Variants in NPSR1 observed in about 807,000 individuals in gnomAD.
The protein encoded by NPSR1 is neuropeptide S receptor.
A neutral mutation model predicts 46.9 loss-of-function variants in NPSR1; 48 were observed. The observed-to-expected ratio is 1.02, with a 90% confidence interval of 0.81 to 1.30. The LOEUF (loss-of-function observed/expected upper bound fraction) is 1.30, where lower values mean the gene tolerates loss of function less well. Ranked by LOEUF, NPSR1 falls within the 50% of genes most tolerant of loss-of-function variation. The pLI, the probability that NPSR1 is intolerant of heterozygous loss-of-function variation, is 0.00. For missense variants in NPSR1, 450 were observed against 449.5 expected, an observed-to-expected ratio of 1.00 and a Z score of -0.01; for synonymous variants, 176 against 168.1, an observed-to-expected ratio of 1.05 and a Z score of -0.36.
chr7:34,838,454 C>T (rs867850087), intron 6 of NPSR1, among the ~76,000 whole-genome samples: 6 of 152,224 alleles, frequency 3.9e-5, no homozygotes, highest in South Asian at 2.1e-4. Context: ...ATATCTTATT[C>T]GTAAAAGGAA....
chr7:34,866,244 G>A (rs1204427323), intron 8 of NPSR1, among the ~76,000 whole-genome samples: 5 of 151,688 alleles, frequency 3.3e-5, no homozygotes, highest in Non-Finnish European at 5.9e-5. Flanking sequence ...GCCAGTTAAC[G>A]GGAATTGAAA....
At chr7:34,720,194 C>T (rs894125381) in intron 2 of NPSR1, among the ~76,000 whole-genome samples, 16 of 151,356 alleles carry the variant, frequency 1.1e-4, no homozygotes, top group East Asian at 1.9e-4. Flanking sequence ...GGAGGAGAAT[C>T]GCTTGAACCC....
At chr7:34,856,769 G>C (rs758907072) in intron 8 of NPSR1, among the ~76,000 whole-genome samples, 2 of 151,598 alleles carry the variant, frequency 1.3e-5, no homozygotes, top group African/African-American at 4.9e-5. Context: ...GGAAGGGACC[G>C]CAAGTCATTG....
At chr7:34,665,707 T>C (rs1290722666) in intron 1 of NPSR1, among the ~76,000 whole-genome samples, 1 of 152,228 alleles carries the variant, frequency 6.6e-6, no homozygotes, top group Non-Finnish European at 1.5e-5. Flanking sequence ...TAGTCCAGCA[T>C]CATCACATCA....
chr7:34,732,718 G>A (rs1784482072), intron 2 of NPSR1, among the ~76,000 whole-genome samples: 1 of 152,136 alleles, frequency 6.6e-6, no homozygotes, highest in African/African-American at 2.4e-5. Context: ...ATGCTTGAAA[G>A]GTAGGGTGTA....
intron 2 of NPSR1, among the ~76,000 whole-genome samples, chr7:34,766,685 G>C (rs1463913761): frequency 6.6e-6 from 1 of 151,732 alleles, no homozygotes; most frequent in Non-Finnish European, 1.5e-5. Flanking sequence ...CCATTCTCCT[G>C]CCTCAGCCTC....
chr7:34,658,517 G>T lies in NPSR1; in HGVS notation c.105G>T (p.Val35=). ...ACTETVTFTE[V]VEGKEWGSFY... is the part of the protein sequence containing the mutation. ...CTGAAACAGTGACTTTTACTGAAGT[G>T]GTGGAAGGAAAGGAATGGGGTTCCT... Residue 35 remains valine, a synonymous_variant, in exon 1 of 9, where the codon GTG becomes GTT. Transcript: ENST00000360581. 1 of 1,614,128 alleles carries T rather than the reference G, an allele frequency of 6.2e-7. No homozygotes were observed. Among genetic ancestry groups the T allele is most frequent in the South Asian group, 1.1e-5 (1 of 91,080 alleles).
intron 2 of NPSR1, among the ~76,000 whole-genome samples, chr7:34,692,680 A>G (rs1793327051): frequency 1.3e-5 from 2 of 151,218 alleles, no homozygotes; most frequent in Admixed American, 1.3e-4. Context: ...AAGTAAGCAG[A>G]AAAAAAAGAA....
intron 2 of NPSR1, among the ~76,000 whole-genome samples, chr7:34,725,650 T>C (rs1386081992): frequency 2.6e-5 from 4 of 152,216 alleles, no homozygotes; most frequent in Non-Finnish European, 5.9e-5. Context: ...TTCCGCCCCA[T>C]ACCAGCTGTT....
chr7:34,777,326 G>A (rs1181787964), intron 2 of NPSR1, among the ~76,000 whole-genome samples: 2 of 152,102 alleles, frequency 1.3e-5, no homozygotes, highest in African/African-American at 4.8e-5. Flanking sequence ...GGCATCAGCT[G>A]AGTTTGGCCC....
intron 3 of NPSR1, among the ~76,000 whole-genome samples, chr7:34,783,477 G>T (rs968421456): frequency 3.3e-5 from 5 of 152,148 alleles, no homozygotes; most frequent in South Asian, 4.1e-4. Flanking sequence ...GACATGTAGG[G>T]ATTATGGCAA....
chr7:34,841,184 C>T (rs1422797083), intron 6 of NPSR1, among the ~76,000 whole-genome samples: 2 of 152,262 alleles, frequency 1.3e-5, no homozygotes, highest in South Asian at 2.1e-4. Context: ...AAACAAATCA[C>T]CTGCACTCTT....
intron 4 of NPSR1, among the ~76,000 whole-genome samples, chr7:34,827,191 G>C (rs1446240187): frequency 6.6e-6 from 1 of 152,208 alleles, no homozygotes; most frequent in Non-Finnish European, 1.5e-5. Flanking sequence ...CAATGTGCTG[G>C]CTTCTGTTCA....
At chr7:34,737,976 A>G (rs1784759427) in intron 2 of NPSR1, among the ~76,000 whole-genome samples, 1 of 152,216 alleles carries the variant, frequency 6.6e-6, no homozygotes, top group South Asian at 2.1e-4. Flanking sequence ...CTGTCCAAGG[A>G]AGATTTTTAT....
chr7:34,732,814 C>T (rs1784488117), intron 2 of NPSR1, among the ~76,000 whole-genome samples: 1 of 152,188 alleles, frequency 6.6e-6, no homozygotes, highest in African/African-American at 2.4e-5. Flanking sequence ...TTTATCAGCA[C>T]ATATGCATGC....
At chr7:34,713,645 A>T (rs1284823611) in intron 2 of NPSR1, among the ~76,000 whole-genome samples, 1 of 152,042 alleles carries the variant, frequency 6.6e-6, no homozygotes, top group Non-Finnish European at 1.5e-5. Flanking sequence ...TGGTGTTTTC[A>T]CTCTCCTGTG....
chr7:34,863,667 C>T (rs1177368163), intron 8 of NPSR1, among the ~76,000 whole-genome samples: 1 of 151,734 alleles, frequency 6.6e-6, no homozygotes, highest in Non-Finnish European at 1.5e-5. Flanking sequence ...AAATCAAAAC[C>T]AAAATGAGAT....
chr7:34,776,945 C>T (rs372013927), intron 2 of NPSR1, among the ~76,000 whole-genome samples: 1 of 152,154 alleles, frequency 6.6e-6, no homozygotes, highest in Non-Finnish European at 1.5e-5. Context: ...AGATGTAAGA[C>T]AAAATCCTTC....
chr7:34,825,513 G>A (rs151064516), intron 4 of NPSR1, among the ~76,000 whole-genome samples: 2 of 152,336 alleles, frequency 1.3e-5, no homozygotes, highest in Admixed American at 1.3e-4. Context: ...AGCCCAGGGG[G>A]CTGATGTAAA....
Sources: allele counts gnomAD v4.1 joint callset (sites outside exome capture counted in the v4.1 genomes callset), GRCh38; gene constraint gnomAD v4.1.1; transcripts MANE v1.5; gene names NCBI Gene and HGNC (gene_info 2026-07-23, HGNC 2026-07-21).